Variants in ERBB4 observed in about 807,000 individuals in gnomAD.
ERBB4 encodes receptor tyrosine-protein kinase erbB-4.
Under a neutral mutation model 158.0 loss-of-function variants are expected in ERBB4, and 42 were observed. The observed-to-expected ratio is 0.27, with a 90% CI of 0.21 to 0.34. ERBB4 has a LOEUF of 0.34. ERBB4 is among the 10% of genes least tolerant of loss of function. The pLI is 1.00. For synonymous variants in ERBB4, 583 were observed against 558.7 expected (o/e 1.04, Z -0.61); for missense variants, 1,333 against 1,624.1 (o/e 0.82, Z 3.08).
chr2:212,119,139 C>A (rs2079664615), intron 2 of ERBB4, among the ~76,000 whole-genome samples: 2 of 151,980 alleles, frequency 1.3e-5, no homozygotes, highest in Non-Finnish European at 2.9e-5. Context: ...AAATTCATCT[C>A]CTTATAATCT....
intron 1 of ERBB4, among the ~76,000 whole-genome samples, chr2:212,264,213 C>A (rs1248410159): frequency 6.6e-6 from 1 of 152,066 alleles, no homozygotes; most frequent in Non-Finnish European, 1.5e-5. Flanking sequence ...CAAAATTAAA[C>A]CCATACCCAA....
At position 211,730,086 on chromosome 2, in the gene ERBB4, T is replaced by A. The variant is rs372118211; in HGVS notation, c.623-4892A>T. ...GCCAATACTACTGAGAGAATGTCTA[T>A]CAAGTCAAAAAATATTAAAAAATCA... On this transcript the variant is annotated intron_variant, in intron 5 of 27. Coordinates refer to ENST00000342788, the MANE Select transcript of ERBB4 (RefSeq NM_005235.3). 4.8e-4 allele frequency among the ~76,000 whole-genome samples: 73 copies of A among 152,020 alleles called. 2 individuals are homozygous for A. The highest frequency in any genetic ancestry group is 1.7e-3 in the African/African-American group (70 of 41,540).
intron 20 of ERBB4, among the ~76,000 whole-genome samples, chr2:211,486,403 T>C (rs1224133628): frequency 6.6e-6 from 1 of 152,188 alleles, no homozygotes; most frequent in Non-Finnish European, 1.5e-5. Flanking sequence ...AAATTGATTC[T>C]AACACATTTA....
intron 3 of ERBB4, among the ~76,000 whole-genome samples, chr2:211,861,742 G>A (rs1248267844): frequency 6.6e-6 from 1 of 152,094 alleles, no homozygotes. Flanking sequence ...GGGATTTGAG[G>A]CTTGGAACAA....
At chr2:211,395,475 G>A (rs1327270113) in intron 25 of ERBB4, among the ~76,000 whole-genome samples, 1 of 151,906 alleles carries the variant, frequency 6.6e-6, no homozygotes, top group Admixed American at 6.6e-5. Context: ...TCCTTTAGAG[G>A]TTGCATTTTT....
chr2:211,685,755 C>G, intron 12 of ERBB4, among the ~76,000 whole-genome samples: 1 of 152,154 alleles, frequency 6.6e-6, no homozygotes, highest in East Asian at 1.9e-4. Context: ...TACAGGAACA[C>G]AGTAGGCTTT....
chr2:212,472,199 T>C (rs1689147989), intron 1 of ERBB4, among the ~76,000 whole-genome samples: 1 of 151,876 alleles, frequency 6.6e-6, no homozygotes, highest in South Asian at 2.1e-4. Context: ...TCTATAAATA[T>C]TCTTTATTAT....
intron 1 of ERBB4, among the ~76,000 whole-genome samples, chr2:212,130,542 T>C (rs1489121256): frequency 6.6e-6 from 1 of 152,024 alleles, no homozygotes; most frequent in Non-Finnish European, 1.5e-5. Flanking sequence ...CTTAACAATA[T>C]CTATATTAAA....
chr2:211,623,008 T>C (rs1262141694), intron 18 of ERBB4, among the ~76,000 whole-genome samples: 1 of 35,946 alleles, frequency 2.8e-5, no homozygotes, highest in African/African-American at 2.0e-4. Flanking sequence ...TATATATATA[T>C]ATATATATAT....
At chr2:211,691,775 C>T (rs111442664) in intron 12 of ERBB4, among the ~76,000 whole-genome samples, 2 of 151,900 alleles carry the variant, frequency 1.3e-5, no homozygotes, top group African/African-American at 2.4e-5. Flanking sequence ...GTAACTCTAG[C>T]CAAGAGAGTC....
At position 211,447,317 on chromosome 2, in the gene ERBB4, A is replaced by G. The variant is rs573746181; in HGVS notation, c.2488-16217T>C. Among the ~76,000 whole-genome samples, 759 of 152,220 alleles carry G rather than the reference A, an allele frequency of 5.0e-3. 5 individuals carry two copies. The highest frequency in any genetic ancestry group is 8.8e-3 in the Non-Finnish European group (601 of 67,976). On this transcript the variant is annotated intron_variant, in intron 20 of 27. Coordinates refer to ENST00000342788, the MANE Select transcript of ERBB4 (RefSeq NM_005235.3). ...ATTTTTTACCCATTCAAATAGTTCA[A>G]TCCATTATTAGAAAAACAGCAAGCA...
intron 2 of ERBB4, among the ~76,000 whole-genome samples, chr2:212,098,792 AT>A (rs1231075142): frequency 6.6e-6 from 1 of 152,188 alleles, no homozygotes; most frequent in Non-Finnish European, 1.5e-5. Flanking sequence ...TTGAATTTAA[AT>A]AAGGCTTACT....
Position 212,396,997 on chromosome 2 carries a change from G to A in ERBB4, c.82+141452C>T, listed in dbSNP as rs1216594696. On this transcript the variant is annotated intron_variant, in intron 1 of 27. Coordinates refer to ENST00000342788, the MANE Select transcript of ERBB4 (RefSeq NM_005235.3). Reference sequence around the variant, plus strand: ...TAAATGTATATTATTCCATTTTAATGACTGTATATTAATCAATTGGTATTG... The same window carrying A: ...TAAATGTATATTATTCCATTTTAATAACTGTATATTAATCAATTGGTATTG... Among the ~76,000 whole-genome samples the A allele has an allele frequency of 3.3e-5, 5 of 152,008 alleles. No homozygotes were observed. In the East Asian group the frequency reaches 9.6e-4, roughly 29 times the overall value.
intron 2 of ERBB4, among the ~76,000 whole-genome samples, chr2:212,076,026 A>G (rs1295052616): frequency 2.6e-5 from 4 of 151,930 alleles, no homozygotes; most frequent in African/African-American, 4.8e-5. Flanking sequence ...ATATTTAAGT[A>G]AAATCAGAAT....
At chr2:211,669,233 A>G (rs997353506) in intron 14 of ERBB4, among the ~76,000 whole-genome samples, 6 of 137,768 alleles carry the variant, frequency 4.4e-5, no homozygotes, top group East Asian at 3.9e-4. Flanking sequence ...AAAAAAAAAA[A>G]AAAAAGAAAA....
rs1381540615 is a variant in ERBB4 at position 212,354,515 on chromosome 2, T to C, written c.82+183934A>G. Among the ~76,000 whole-genome samples, 6 of 152,104 alleles carry C rather than the reference T, an allele frequency of 3.9e-5. No homozygotes were observed. The East Asian group carries it at 1.2e-3, about 29-fold the overall frequency. ...TACAAAGGTGTACACATAAAGTCCA[T>C]GTTGACATATTTACACATACACACT... On this transcript the variant is annotated intron_variant, in intron 1 of 27. Coordinates refer to ENST00000342788, the MANE Select transcript of ERBB4 (RefSeq NM_005235.3).
At chr2:212,142,661 C>T (rs1001009685) in intron 1 of ERBB4, among the ~76,000 whole-genome samples, 8 of 148,606 alleles carry the variant, frequency 5.4e-5, no homozygotes, top group Admixed American at 4.1e-4. Flanking sequence ...AGTTATATAA[C>T]TCTAATATAG....
intron 3 of ERBB4, among the ~76,000 whole-genome samples, chr2:211,943,632 G>T (rs1348848092): frequency 6.6e-6 from 1 of 151,976 alleles, no homozygotes; most frequent in Non-Finnish European, 1.5e-5. Context: ...AGATTGTGTG[G>T]CCTATTTTTA....
chr2:212,198,739 T>A (rs1653026989), intron 1 of ERBB4, among the ~76,000 whole-genome samples: 1 of 147,030 alleles, frequency 6.8e-6, no homozygotes, highest in Admixed American at 6.8e-5. Flanking sequence ...CGCCCTTTTT[T>A]TTTTTTTTTT....
Sources: allele counts gnomAD v4.1 joint callset (sites outside exome capture counted in the v4.1 genomes callset), GRCh38; gene constraint gnomAD v4.1.1; transcripts MANE v1.5; gene names NCBI Gene and HGNC (gene_info 2026-07-23, HGNC 2026-07-21).